GEMIN5: variants seen among roughly 807,000 people sequenced by gnomAD.
GEMIN5 encodes the protein gem-associated protein 5.
GEMIN5 carries 124 observed loss-of-function variants against 176.9 expected under a neutral mutation model. The ratio of observed to expected loss-of-function variants is 0.70; its 90% CI spans 0.61 to 0.81. The LOEUF (loss-of-function observed/expected upper bound fraction) is 0.81, where lower values mean the gene tolerates loss of function less well. Ranked by LOEUF, GEMIN5 falls within the 40% of genes least tolerant of loss-of-function variation. The probability of loss-of-function intolerance (pLI) is 0.00; values close to 1 mark genes in which losing one functional copy is unlikely to be tolerated. For missense variants in GEMIN5, 1,843 were observed against 1,814.6 expected, an observed-to-expected ratio of 1.02 and a Z score of -0.28; for synonymous variants, 673 against 665.2, an observed-to-expected ratio of 1.01 and a Z score of -0.18.
intron 15 of GEMIN5, among the ~76,000 whole-genome samples, chr5:154,909,667 TTA>T (rs1318048882): frequency 1.1e-4 from 16 of 152,056 alleles, no homozygotes; most frequent in Admixed American, 4.6e-4. Flanking sequence ...TCACTGTGGT[TTA>T]GTTTTGCCTG....
chr5:154,905,700 G>GTTTTTTTTT (rs112942279), intron 16 of GEMIN5, among the ~76,000 whole-genome samples: 1 of 139,054 alleles, frequency 7.2e-6, no homozygotes, highest in African/African-American at 2.6e-5. Context: ...TATTACTTTG[G>GTTTTTTTTT]TTTTTTTTTT....
chr5:154,895,975 T>TCGGTGG, intron 24 of GEMIN5, 117 bp downstream of exon 24: 1 of 1,245,996 alleles, frequency 8.0e-7, no homozygotes, highest in South Asian at 1.4e-5. Flanking sequence ...TGGCCATGCC[T>TCGGTGG]TAGCCTTTTC....
intron 24 of GEMIN5, among the ~76,000 whole-genome samples, chr5:154,893,429 A>G (rs1365450537): frequency 1.3e-5 from 2 of 152,070 alleles, no homozygotes; most frequent in Admixed American, 6.6e-5. Flanking sequence ...AAAAAAAAAA[A>G]ATCAAAACCC....
intron 17 of GEMIN5, 108 bp from the exon 18 acceptor site, chr5:154,904,737 G>A: frequency 1.3e-6 from 1 of 758,454 alleles, no homozygotes; most frequent in Non-Finnish European, 2.2e-6. Context: ...ACCACAGGCA[G>A]AGAAAGCTCC....
rs768073985 is a variant in GEMIN5, at chr5:154,892,478, A to G, written c.3669T>C (p.Ala1223=). 6.2e-7 allele frequency: 1 copy of G among 1,614,238 alleles called. No individual in the cohort carries two copies. Among genetic ancestry groups the G allele is most frequent in the Middle Eastern group, 1.6e-4 (1 of 6,062 alleles). ...LSQQMASWDE[A]VQALLRAVVR... is the part of the protein sequence containing the mutation. ...CCACCGCCCGAAGGAGCGCCTGCAC[A>G]GCCTCGTCCCAGGAGGCCATCTGTT... The change falls in exon 25 of 28, where the codon GCT becomes GCC. Residue 1223 remains alanine, a synonymous_variant. Coordinates refer to ENST00000285873, the MANE Select transcript of GEMIN5 (RefSeq NM_015465.5).
chr5:154,914,096 A>G (rs1468873031), intron 13 of GEMIN5, among the ~76,000 whole-genome samples: 1 of 151,988 alleles, frequency 6.6e-6, no homozygotes, highest in African/African-American at 2.4e-5. Flanking sequence ...TCTCGGCTCA[A>G]TGCAACCTCT....
intron 2 of GEMIN5, 116 bp downstream of exon 2, chr5:154,936,909 A>G (rs1281174731): frequency 6.6e-6 from 5 of 754,440 alleles, no homozygotes; most frequent in Non-Finnish European, 1.1e-5. Flanking sequence ...TTATCTAATT[A>G]ATGAACACAA....
At chr5:154,908,325 C>T (rs1037490214) in intron 15 of GEMIN5, among the ~76,000 whole-genome samples, 2 of 151,996 alleles carry the variant, frequency 1.3e-5, no homozygotes, top group African/African-American at 4.8e-5. Context: ...GGATTACAGG[C>T]ACGCACAACC....
At chr5:154,893,355 G>C (rs977022928) in intron 24 of GEMIN5, among the ~76,000 whole-genome samples, 1 of 149,818 alleles carries the variant, frequency 6.7e-6, no homozygotes, top group African/African-American at 2.5e-5. Flanking sequence ...GCTTGAACCC[G>C]AGAGGCGGAG....
intron 1 of GEMIN5, 132 bp from the exon 2 acceptor site, chr5:154,937,317 C>T: frequency 2.8e-6 from 2 of 702,934 alleles, no homozygotes; most frequent in Non-Finnish European, 4.7e-6. Context: ...GAAACACCGA[C>T]GGACTTACAC....
chr5:154,916,148 A>G (rs1331055537), intron 13 of GEMIN5, among the ~76,000 whole-genome samples: 7 of 152,064 alleles, frequency 4.6e-5, no homozygotes, highest in Admixed American at 4.6e-4. Flanking sequence ...ATGGCCTCCC[A>G]AAGTGCTAGG....
At chr5:154,929,515 T>C (rs918819847) in intron 5 of GEMIN5, among the ~76,000 whole-genome samples, 6 of 152,158 alleles carry the variant, frequency 3.9e-5, no homozygotes, top group African/African-American at 1.4e-4. Context: ...AAAAAATACA[T>C]ACGCCAGGGC....
intron 20 of GEMIN5, among the ~76,000 whole-genome samples, chr5:154,901,959 C>T (rs774406827): frequency 6.6e-6 from 1 of 152,108 alleles, no homozygotes; most frequent in Non-Finnish European, 1.5e-5. Context: ...TGTCACCATG[C>T]CCAGATAATT....
intron 15 of GEMIN5, among the ~76,000 whole-genome samples, chr5:154,909,825 A>G (rs902387862): frequency 2.0e-5 from 3 of 152,094 alleles, no homozygotes; most frequent in African/African-American, 7.2e-5. Flanking sequence ...CTAAAAACAC[A>G]AACAATTAGC....
In GEMIN5 at chr5:154,896,306, G is replaced by A. The variant is rs1339298817; in HGVS notation, c.3383C>T (p.Ser1128Phe). The change falls in exon 24 of 28, where the codon TCC becomes TTC. Residue 1128 changes from serine (S) to phenylalanine (F), a missense_variant. Coordinates refer to ENST00000285873, the MANE Select transcript of GEMIN5 (RefSeq NM_015465.5). ...AAGCTGCTTTTCCTCCAGATGCCTGGACAGTAGCTCCAGAAGGCAAAACAC... is the reference window on the plus strand; with the variant it reads ...AAGCTGCTTTTCCTCCAGATGCCTGAACAGTAGCTCCAGAAGGCAAAACAC... ...RLVFCLLELL[S>F]RHLEEKQLSE... 6.2e-7 allele frequency: 1 copy of A among 1,603,572 alleles called. No homozygotes were observed. The highest frequency in any genetic ancestry group is 8.5e-7 in the Non-Finnish European group (1 of 1,175,712).
At chr5:154,897,683 C>A (rs185072535) in intron 23 of GEMIN5, among the ~76,000 whole-genome samples, 1 of 152,064 alleles carries the variant, frequency 6.6e-6, no homozygotes. Context: ...GACAAGATTT[C>A]GCCATGTTGG....
chr5:154,904,575 A>C lies in GEMIN5; in HGVS notation c.2564T>G (p.Leu855Arg), dbSNP rs1363801707. ...AAGCTCCTCTTTGGATCTGTGGTCC[A>C]GGCTTGTACTCAGGGGAAGCAAGGA... is the stretch of plus-strand genomic sequence containing the variant. ...ARSLLPLSTSLDHRSKEELHQ... is the reference protein window; with the variant it reads ...ARSLLPLSTSRDHRSKEELHQ... The change falls in exon 18 of 28, where the codon CTG (leucine) becomes CGG (arginine). Residue 855 changes from leucine (L) to arginine (R), a missense_variant. Leu to Arg is a moderately radical substitution (Grantham distance 102). Coordinates refer to ENST00000285873, the MANE Select transcript of GEMIN5 (RefSeq NM_015465.5). The C allele has an allele frequency of 6.2e-7, 1 of 1,612,452 alleles. No homozygotes were observed. The highest frequency in any genetic ancestry group is 8.5e-7 in the Non-Finnish European group (1 of 1,178,572).
Position 154,888,211 on chromosome 5 carries a change from C to T in GEMIN5, c.4526G>A (p.Ter1509=). Residue 1509 remains the stop codon, a stop_retained_variant, in exon 28 of 28, where the codon TGA becomes TAA. Coordinates refer to ENST00000285873, the MANE Select transcript of GEMIN5 (RefSeq NM_015465.5). Reference sequence around the variant, plus strand: ...AGTTTCTTCAAGGTGTGTGAAAATTCACATACAGAAGGTCTGGCAGTGTCT... The same window carrying T: ...AGTTTCTTCAAGGTGTGTGAAAATTTACATACAGAAGGTCTGGCAGTGTCT... The part of the protein sequence containing the change: ...YRRHCQTFCM[*] 1 of 1,613,988 alleles carries T rather than the reference C, an allele frequency of 6.2e-7. No homozygotes were observed. Among genetic ancestry groups the T allele is most frequent in the Non-Finnish European group, 8.5e-7 (1 of 1,179,922 alleles).
chr5:154,924,377 T>C (rs1415221101), intron 9 of GEMIN5, 92 bp downstream of exon 9: 2 of 732,092 alleles, frequency 2.7e-6, no homozygotes, highest in Admixed American at 4.7e-5. Flanking sequence ...GGCAACGTTA[T>C]GAAAAGGAAA....
Sources: gnomAD v4.1 joint callset for allele counts (sites outside exome capture counted in the v4.1 genomes callset) on GRCh38, gnomAD v4.1.1 for gene constraint, MANE v1.5 for transcripts, NCBI Gene and HGNC (gene_info 2026-07-23, HGNC 2026-07-21) for gene names.